The following TMEM74 variants were observed in gnomAD, a reference collection of about 807,000 sequenced individuals.
The protein encoded by TMEM74 is transmembrane protein 74.
In TMEM74, 13 loss-of-function variants were observed where a neutral mutation model predicts 18.1. The observed-to-expected ratio is 0.72, with a 90% CI of 0.47 to 1.14. The LOEUF is 1.14. TMEM74 is among the 50% of genes most tolerant of loss of function. The pLI is 0.00. For synonymous variants in TMEM74, 159 were observed against 146.6 expected (o/e 1.08, Z -0.61); for missense variants, 372 against 375.9 (o/e 0.99, Z 0.09).
At chr8:108,618,917 G>T (rs1455039475) in intron 2 of TMEM74, among the ~76,000 whole-genome samples, 1 of 152,094 alleles carries the variant, frequency 6.6e-6, no homozygotes, top group African/African-American at 2.4e-5. Context: ...ACTTGTTAGG[G>T]TGATAATGCA....
chr8:108,714,349 G>A (rs3019350), intron 1 of TMEM74, among the ~76,000 whole-genome samples: 55,461 of 151,982 alleles, frequency 0.36, 10,592 homozygotes, highest in East Asian at 0.6. Flanking sequence ...ATCTGTCACA[G>A]TGGAATACAA....
At chr8:108,703,281 C>A (rs919923480) in intron 1 of TMEM74, among the ~76,000 whole-genome samples, 1 of 152,136 alleles carries the variant, frequency 6.6e-6, no homozygotes, top group African/African-American at 2.4e-5. Context: ...ATTAGAGATT[C>A]ACTTTTTTGT....
intron 1 of TMEM74, among the ~76,000 whole-genome samples, chr8:108,673,727 G>T (rs1813026422): frequency 1.3e-5 from 2 of 152,282 alleles, no homozygotes; most frequent in South Asian, 4.1e-4. Flanking sequence ...GGGACAAAAA[G>T]AAAGTACTGT....
intron 1 of TMEM74, among the ~76,000 whole-genome samples, chr8:108,768,548 C>T (rs1333136784): frequency 6.6e-6 from 1 of 152,168 alleles, no homozygotes; most frequent in Non-Finnish European, 1.5e-5. Context: ...GGTGTTGTCT[C>T]TGACAGCAAT....
chr8:108,771,684 T>G (rs1814174594), intron 1 of TMEM74, among the ~76,000 whole-genome samples: 1 of 152,230 alleles, frequency 6.6e-6, no homozygotes, highest in African/African-American at 2.4e-5. Flanking sequence ...CAATCCAGTT[T>G]ATGGGCCTAC....
At chr8:108,739,623 G>A (rs1490179268) in intron 1 of TMEM74, among the ~76,000 whole-genome samples, 1 of 152,150 alleles carries the variant, frequency 6.6e-6, no homozygotes, top group Admixed American at 6.5e-5. Context: ...GGTTGACTGG[G>A]CTTGGGTGAG....
chr8:108,740,988 G>A (rs1395488759), intron 1 of TMEM74, among the ~76,000 whole-genome samples: 3 of 152,272 alleles, frequency 2.0e-5, no homozygotes, highest in African/African-American at 4.8e-5. Flanking sequence ...TTAATAAACA[G>A]TGAAAATTGC....
intron 1 of TMEM74, among the ~76,000 whole-genome samples, chr8:108,762,905 A>C (rs895675689): frequency 1.3e-5 from 2 of 151,434 alleles, no homozygotes; most frequent in Admixed American, 1.3e-4. Flanking sequence ...AAAACAAAAA[A>C]CTCCTTGAGG....
rs375400697 is a variant in TMEM74, at chr8:108,782,447, C to T, written c.*1734G>A. Among the ~76,000 whole-genome samples the T allele has an allele frequency of 6.6e-6, 1 of 152,242 alleles. No homozygotes were observed. Among genetic ancestry groups the T allele is most frequent in the Non-Finnish European group, 1.5e-5 (1 of 68,014 alleles). ...AATTTCTCATTTTTACTTAATAATT[C>T]TTTCATATGCCCATCCTCTCTTTTT... On this transcript the variant is annotated 3_prime_UTR_variant, in exon 2 of 2. Coordinates refer to ENST00000297459, the MANE Select transcript of TMEM74 (RefSeq NM_153015.3).
chr8:108,690,618 A>C (rs1017666245), intron 1 of TMEM74, among the ~76,000 whole-genome samples: 1 of 151,988 alleles, frequency 6.6e-6, no homozygotes, highest in Non-Finnish European at 1.5e-5. Context: ...GATCAAGACT[A>C]TCCTGGATAA....
At chr8:108,615,521 T>C (rs1812374148) in intron 2 of TMEM74, among the ~76,000 whole-genome samples, 1 of 152,162 alleles carries the variant, frequency 6.6e-6, no homozygotes, top group Non-Finnish European at 1.5e-5. Context: ...TTAGGGTTTT[T>C]ACTTCCAGGC....
At chr8:108,666,636 A>C (rs992937070) in intron 1 of TMEM74, among the ~76,000 whole-genome samples, 1 of 152,112 alleles carries the variant, frequency 6.6e-6, no homozygotes, top group South Asian at 2.1e-4. Context: ...ACTCTTCATC[A>C]TCTTAGTATT....
chr8:108,636,645 C>A (rs992644282), intron 2 of TMEM74, among the ~76,000 whole-genome samples: 5 of 152,022 alleles, frequency 3.3e-5, no homozygotes, highest in African/African-American at 1.2e-4. Flanking sequence ...AAGAACCCAA[C>A]AGCCAGCATA....
At chr8:108,762,331 C>G (rs1005366639) in intron 1 of TMEM74, among the ~76,000 whole-genome samples, 1 of 152,094 alleles carries the variant, frequency 6.6e-6, no homozygotes, top group Non-Finnish European at 1.5e-5. Flanking sequence ...TTATTTCATG[C>G]CTTCTCTTAA....
At chr8:108,751,075 TA>T (rs1197820187) in intron 1 of TMEM74, among the ~76,000 whole-genome samples, 1 of 152,144 alleles carries the variant, frequency 6.6e-6, no homozygotes, top group Non-Finnish European at 1.5e-5. Context: ...CTTCCACCGG[TA>T]ACGCGTTCAT....
At chr8:108,719,518 A>C (rs1410433690) in intron 1 of TMEM74, among the ~76,000 whole-genome samples, 1 of 152,106 alleles carries the variant, frequency 6.6e-6, no homozygotes, top group Non-Finnish European at 1.5e-5. Context: ...TTCTGGTTCT[A>C]ATCAAATGGA....
At chr8:108,630,123 T>C (rs767035271) in intron 2 of TMEM74, among the ~76,000 whole-genome samples, 1 of 151,292 alleles carries the variant, frequency 6.6e-6, no homozygotes, top group Non-Finnish European at 1.5e-5. Context: ...AGGCTCAAAA[T>C]AAAGGAATGG....
At chr8:108,772,226 G>A (rs1490324146) in intron 1 of TMEM74, among the ~76,000 whole-genome samples, 6 of 151,976 alleles carry the variant, frequency 3.9e-5, no homozygotes, top group Admixed American at 3.3e-4. Context: ...AACTTTAATT[G>A]ACTTGTCATT....
chr8:108,708,904 A>C (rs1340656153), intron 1 of TMEM74, among the ~76,000 whole-genome samples: 1 of 152,010 alleles, frequency 6.6e-6, no homozygotes, highest in Non-Finnish European at 1.5e-5. Flanking sequence ...AGGCAAACAA[A>C]TGGACCACAG....
Sources: allele counts gnomAD v4.1 joint callset (sites outside exome capture counted in the v4.1 genomes callset), GRCh38; gene constraint gnomAD v4.1.1; transcripts MANE v1.5; gene names NCBI Gene and HGNC (gene_info 2026-07-23, HGNC 2026-07-21).